CTDSP1: variants seen among roughly 807,000 people sequenced by gnomAD.
CTDSP1 encodes carboxy-terminal domain RNA polymerase II polypeptide A small phosphatase 1.
A neutral mutation model predicts 32.5 loss-of-function variants in CTDSP1; 15 were observed. The observed-to-expected ratio is 0.46, with a 90% CI of 0.31 to 0.71. The LOEUF is 0.71. Ranked by LOEUF, CTDSP1 falls within the 30% of genes least tolerant of loss-of-function variation. The pLI, the probability that CTDSP1 is intolerant of heterozygous loss-of-function variation, is 0.05. For synonymous variants in CTDSP1, 185 were observed against 145.4 expected (o/e 1.27, Z -1.96); for missense variants, 294 against 351.1 (o/e 0.84, Z 1.30).
At chr2:218,402,062 G>A (rs373677312) in intron 2 of CTDSP1, 49 bp from the exon 3 acceptor site, 37 of 1,303,746 alleles carry the variant, frequency 2.8e-5, no homozygotes, top group Non-Finnish European at 3.7e-5. Context: ...GTGGGAGGAA[G>A]GACCAGGCCC....
chr2:218,402,222 C>T lies in CTDSP1; in HGVS notation c.321+7C>T. 1 of 1,613,088 alleles carries T rather than the reference C, an allele frequency of 6.2e-7. No homozygotes were observed. The highest frequency in any genetic ancestry group is 8.5e-7 in the Non-Finnish European group (1 of 1,179,324). ...GGTGCACAGCTCCTTCAAGGTGGGC[C>T]CTGCTCAACAGCCCTCAGCCCGGGT... On this transcript the variant is annotated splice_region_variant and intron_variant, in intron 3 of 6. Transcript: ENST00000273062.
chr2:218,400,267 C>A, intron 1 of CTDSP1, 110 bp downstream of exon 1: 1 of 1,004,232 alleles, frequency 1.0e-6, no homozygotes, highest in Non-Finnish European at 1.5e-6. Flanking sequence ...GCCGCCTTAG[C>A]TGTGCCCGAA....
intron 2 of CTDSP1, 68 bp downstream of exon 2, chr2:218,401,780 C>T (rs1335263072): frequency 1.2e-5 from 17 of 1,413,500 alleles, no homozygotes; most frequent in Non-Finnish European, 1.6e-5. Flanking sequence ...GGGGAAGGGG[C>T]TCCTGACTGA....
intron 1 of CTDSP1, 27 bp from the exon 2 acceptor site, chr2:218,401,537 C>A (rs2227248): frequency 1.2e-6 from 2 of 1,612,460 alleles, no homozygotes; most frequent in Non-Finnish European, 1.7e-6. Context: ...GTGCACCGAG[C>A]CTCCAACTTG....
chr2:218,397,167 A>G (rs1264941266), upstream of CTDSP1, among the ~76,000 whole-genome samples: 4 of 152,264 alleles, frequency 2.6e-5, no homozygotes, highest in East Asian at 7.7e-4. Context: ...AGTAATGGGC[A>G]GGTTGGTCAA....
At chr2:218,399,674 C>T (rs1416324494), upstream of CTDSP1, 20 of 943,914 alleles carry the variant, frequency 2.1e-5, no homozygotes, top group Non-Finnish European at 2.5e-5. Flanking sequence ...CGCAGAGACT[C>T]AGCCCCGCCG....
chr2:218,398,308 G>A (rs1233557668), upstream of CTDSP1: 5 of 1,062,766 alleles, frequency 4.7e-6, no homozygotes, highest in Admixed American at 4.1e-5. Context: ...TGTGAAATGG[G>A]TTAAGAAGGA....
chr2:218,398,450 A>G, upstream of CTDSP1: 1 of 1,533,286 alleles, frequency 6.5e-7, no homozygotes, highest in Non-Finnish European at 8.7e-7. Flanking sequence ...GAGCAGGAGG[A>G]GGGCCGAGGG....
intron 6 of CTDSP1, 96 bp downstream of exon 6, chr2:218,403,513 G>GT: frequency 1.7e-6 from 2 of 1,191,664 alleles, no homozygotes; most frequent in South Asian, 3.0e-5. Context: ...CCCCAGTTGG[G>GT]GGGTGGGTGC....
upstream of CTDSP1, among the ~76,000 whole-genome samples, chr2:218,397,671 G>C (rs982258689): frequency 2.6e-5 from 4 of 152,134 alleles, no homozygotes; most frequent in African/African-American, 9.7e-5. Context: ...ACAAAAAATA[G>C]AGTGCATAAA....
chr2:218,400,418 G>T, intron 1 of CTDSP1: 1 of 572,424 alleles, frequency 1.7e-6, no homozygotes, highest in Non-Finnish European at 3.2e-6. Flanking sequence ...GGAACTCTTC[G>T]GGGGTTTCCT....
intron 3 of CTDSP1, 32 bp downstream of exon 3, chr2:218,402,247 T>G (rs1240934917): frequency 1.9e-6 from 3 of 1,610,072 alleles, no homozygotes; most frequent in Non-Finnish European, 1.7e-6. Context: ...TCAGCCCGGG[T>G]CTCGGGGGGC....
At position 218,399,895 on chromosome 2, in the gene CTDSP1, A is replaced by T. The variant is rs1001879944; in HGVS notation, c.-196A>T. 15 of 1,263,098 alleles carry T rather than the reference A, an allele frequency of 1.2e-5. No homozygotes were observed. Among genetic ancestry groups the T allele is most frequent in the South Asian group, 2.6e-5 (1 of 38,022 alleles). The allele number at this position is 1,263,098 out of a possible 1,614,324, so 78.2% of individuals were successfully genotyped here. A position where few individuals can be genotyped will look rare whatever the true frequency, so the allele number is the denominator to read the frequency against. On this transcript the variant is annotated 5_prime_UTR_variant, in exon 1 of 7. An upstream start codon of the reference 5' UTR is lost. Transcript: ENST00000273062. Reference sequence around the variant, plus strand: ...ATCCGCCTCGCGGGAAGGAAACTCCATGTTGTAACAAAGTTTCCTCCGCGC... The same window carrying T: ...ATCCGCCTCGCGGGAAGGAAACTCCTTGTTGTAACAAAGTTTCCTCCGCGC...
chr2:218,402,103 C>T lies in CTDSP1; in HGVS notation c.217-8C>T. ...GAGGCACCCCAGCCAGCCCCGCCCTCCCTACAGCAGACCCCAGTCCAATAC... is the reference window on the plus strand; with the variant it reads ...GAGGCACCCCAGCCAGCCCCGCCCTTCCTACAGCAGACCCCAGTCCAATAC... On this transcript the variant is annotated splice_polypyrimidine_tract_variant and splice_region_variant and intron_variant, in intron 2 of 6. Coordinates refer to ENST00000273062, the MANE Select transcript of CTDSP1 (RefSeq NM_021198.3). 1 of 1,602,560 alleles carries T rather than the reference C, an allele frequency of 6.2e-7. No homozygotes were observed. Among genetic ancestry groups the T allele is most frequent in the Non-Finnish European group, 8.5e-7 (1 of 1,170,862 alleles).
chr2:218,401,422 A>G, intron 1 of CTDSP1, 142 bp from the exon 2 acceptor site: 2 of 908,394 alleles, frequency 2.2e-6, no homozygotes, highest in African/African-American at 1.7e-5. Context: ...CGTTTCAGAG[A>G]AAGTCAGGAG....
At position 218,400,085 on chromosome 2, in the gene CTDSP1, G is replaced by A. The variant is rs1403684819; in HGVS notation, c.-6G>A. On this transcript the variant is annotated 5_prime_UTR_variant, in exon 1 of 7. Transcript: ENST00000273062. The stretch of plus-strand genomic sequence containing the variant: ...AGTCCGGCCGGAGCGGAGCGCGCCC[G>A]GCCCCATGGACAGCTCGGCCGTCAT... The A allele has an allele frequency of 4.2e-6, 6 of 1,443,930 alleles. No individual in the cohort carries two copies. Among genetic ancestry groups the A allele is most frequent in the Non-Finnish European group, 3.7e-6 (4 of 1,095,196 alleles). 89.4% of individuals were successfully genotyped at this position (1,443,930 alleles called of 1,614,324 possible). A position where few individuals can be genotyped will look rare whatever the true frequency, so the allele number is the denominator to read the frequency against.
chr2:218,400,760 G>A (rs1373892316), intron 1 of CTDSP1: 1 of 455,156 alleles, frequency 2.2e-6, no homozygotes, highest in East Asian at 7.0e-5. Context: ...AGAGTCGTGC[G>A]CCTAGTGGGC....
chr2:218,403,030 C>T lies in CTDSP1; in HGVS notation c.379-5C>T, dbSNP rs750895624. 1.9e-6 allele frequency: 3 copies of T among 1,613,608 alleles called. No homozygotes were observed. The highest frequency in any genetic ancestry group is 2.5e-6 in the Non-Finnish European group (3 of 1,179,750). ...CCGCAGCCCCCTCACTGGCCCGCCC[C>T]CCAGGTCTACGTGTTGAAGCGTCCT... On this transcript the variant is annotated splice_polypyrimidine_tract_variant and splice_region_variant and intron_variant, in intron 4 of 6. Transcript: ENST00000273062.
At chr2:218,400,524 C>CCTA in intron 1 of CTDSP1, 1 of 388,648 alleles carries the variant, frequency 2.6e-6, no homozygotes, top group Non-Finnish European at 5.0e-6. Context: ...GGGCCACCCG[C>CCTA]TGAGACTCCG....
Sources: gnomAD v4.1 joint callset for allele counts (sites outside exome capture counted in the v4.1 genomes callset) on GRCh38, gnomAD v4.1.1 for gene constraint, MANE v1.5 for transcripts, NCBI Gene and HGNC (gene_info 2026-07-23, HGNC 2026-07-21) for gene names.